The following CACNA1I variants were observed in gnomAD, a reference collection of about 807,000 sequenced individuals.
CACNA1I encodes the protein calcium voltage-gated channel subunit alpha1 I, also known as voltage-dependent T-type calcium channel subunit alpha-1I.
Under a neutral mutation model 201.6 loss-of-function variants are expected in CACNA1I, and 74 were observed. The observed-to-expected ratio is 0.37, with a 90% confidence interval of 0.30 to 0.45. CACNA1I has a LOEUF of 0.45. Among genes scored for constraint, CACNA1I ranks in the 20% least tolerant of loss-of-function variants. The pLI is 1.00. For missense variants in CACNA1I, 2,346 were observed against 3,138.1 expected (o/e 0.75, Z 6.03); for synonymous variants, 1,431 against 1,345.2 (o/e 1.06, Z -1.40).
Position 39,648,215 on chromosome 22 carries a change from C to T in CACNA1I, c.1567+289C>T, listed in dbSNP as rs930947724. Among the ~76,000 whole-genome samples, 12 of 152,066 alleles carry T rather than the reference C, an allele frequency of 7.9e-5. No individual in the cohort carries two copies. Among genetic ancestry groups the T allele is most frequent in the African/African-American group, 2.7e-4 (11 of 41,428 alleles). On this transcript the variant is annotated intron_variant, in intron 9 of 36. Coordinates refer to ENST00000402142, the MANE Select transcript of CACNA1I (RefSeq NM_021096.4). The surrounding 1 kb of genome is among the most constrained non-coding windows in gnomAD (Gnocchi z 5.4). ...CAGAAGAATGCACGCTCAGAGCTGC[C>T]GCCCACCCGTCCTCGGGTGCCAGCC...
rs2145823220 is a variant in CACNA1I, at chr22:39,596,464, C to CGGAGGGAGATGGGGGGCAGGGT, written c.237-1683_237-1682insGGAGATGGGGGGCAGGGTGGAG. Among the ~76,000 whole-genome samples the CGGAGGGAGATGGGGGGCAGGGT allele has an allele frequency of 7.0e-5, 3 of 42,670 alleles. 1 individual carries two copies. The highest frequency in any genetic ancestry group is 3.2e-4 in the African/African-American group (3 of 9,252). The allele number at this position is 42,670 out of a possible 152,430, so 28.0% of individuals were successfully genotyped here. ...GGCGGAGGGAGATCGGGGGGCAGGG[C>CGGAGGGAGATGGGGGGCAGGGT]GGAGAGAGATGGGGGAGCAGGATGG... is the stretch of plus-strand genomic sequence containing the variant. On this transcript the variant is annotated intron_variant, in intron 1 of 36. Transcript: ENST00000402142.
rs948216229 is a variant in CACNA1I at position 39,584,625 on chromosome 22, T to C, written c.237-13526T>C. Among the ~76,000 whole-genome samples, 3 of 152,036 alleles carry C rather than the reference T, an allele frequency of 2.0e-5. No homozygotes were observed. In the East Asian group the frequency reaches 5.8e-4, roughly 29 times the overall value. On this transcript the variant is annotated intron_variant, in intron 1 of 36. Transcript: ENST00000402142. Reference sequence around the variant, plus strand: ...AACCACAAAGTGGGAGGAAGACAAGTCTAGGGGCTTGTGGCATCTCCTGGA... The same window carrying C: ...AACCACAAAGTGGGAGGAAGACAAGCCTAGGGGCTTGTGGCATCTCCTGGA...
chr22:39,686,278 C>T lies in CACNA1I; in HGVS notation c.6545C>T (p.Ala2182Val), dbSNP rs1256219792. 6.1e-6 allele frequency: 8 copies of T among 1,313,946 alleles called. No individual in the cohort carries two copies. The highest frequency in any genetic ancestry group is 6.5e-5 in the Admixed American group (2 of 30,902). 81.4% of individuals were successfully genotyped at this position (1,313,946 alleles called of 1,614,324 possible). ...HGLARSPSWA[A>V]DRSKDPPGRA... The stretch of plus-strand genomic sequence containing the variant: ...CTGGCCCGGAGCCCCTCGTGGGCCG[C>T]GGACCGCAGCAAGGACCCCCCCGGC... The change falls in exon 37 of 37, where the codon GCG (alanine) becomes GTG (valine). Residue 2182 changes from alanine (A) to valine (V), a missense_variant. By Grantham distance (64) the Ala-to-Val change is moderately conservative. Coordinates refer to ENST00000402142, the MANE Select transcript of CACNA1I (RefSeq NM_021096.4).
At chr22:39,643,998 G>A (rs1934412680) in intron 7 of CACNA1I, among the ~76,000 whole-genome samples, 1 of 152,220 alleles carries the variant, frequency 6.6e-6, no homozygotes, top group Non-Finnish European at 1.5e-5. Flanking sequence ...TAGGTGCCAT[G>A]ATAGAAGGGA....
At chr22:39,673,332 C>G (rs1935428873) in intron 28 of CACNA1I, among the ~76,000 whole-genome samples, 1 of 152,180 alleles carries the variant, frequency 6.6e-6, no homozygotes, top group Admixed American at 6.5e-5. Context: ...CACATGGACA[C>G]ACACTCCCAC....
At chr22:39,672,430 A>G in intron 27 of CACNA1I, 122 bp downstream of exon 27, 1 of 717,312 alleles carries the variant, frequency 1.4e-6, no homozygotes, top group East Asian at 2.5e-5. Context: ...CTAGGCACGG[A>G]TGGACAGGCA....
intron 5 of CACNA1I, among the ~76,000 whole-genome samples, chr22:39,640,429 A>G (rs946457093): frequency 2.6e-5 from 4 of 152,192 alleles, no homozygotes; most frequent in Admixed American, 2.0e-4. Flanking sequence ...AGAGGAAGTG[A>G]TCAGCCCAGG....
intron 10 of CACNA1I, among the ~76,000 whole-genome samples, chr22:39,652,039 C>CTT (rs136833): frequency 0.4 from 58,500 of 145,372 alleles, 12,941 homozygotes; most frequent in East Asian, 0.97. Context: ...CTGGTGGAGC[C>CTT]TTTTTTTTTT....
chr22:39,660,991 C>T (rs1205516289), intron 15 of CACNA1I, 117 bp from the exon 16 acceptor site: 1 of 847,984 alleles, frequency 1.2e-6, no homozygotes, highest in African/African-American at 1.7e-5. Flanking sequence ...AGGAAGCCTC[C>T]TTAGAAAAGC....
intron 20 of CACNA1I, among the ~76,000 whole-genome samples, 157 bp downstream of exon 20, chr22:39,664,316 T>C (rs1935115586): frequency 6.6e-6 from 1 of 151,414 alleles, no homozygotes; most frequent in Non-Finnish European, 1.5e-5. Context: ...GGGGCTGGGC[T>C]CCCGCGACCC....
rs540006733 is a variant in CACNA1I at position 39,628,479 on chromosome 22, C to T, written c.581-6086C>T. Among the ~76,000 whole-genome samples, 6 of 151,968 alleles carry T rather than the reference C, an allele frequency of 3.9e-5. No individual in the cohort carries two copies. The East Asian group carries it at 5.8e-4, about 15-fold the overall frequency. On this transcript the variant is annotated intron_variant, in intron 4 of 36. Coordinates refer to ENST00000402142, the MANE Select transcript of CACNA1I (RefSeq NM_021096.4). ...TCAGTGAGACAGCCGGGCCAGCCCCCGAGGGTGTGAGCGCAGCCAGCTCTG... is the reference window on the plus strand; with the variant it reads ...TCAGTGAGACAGCCGGGCCAGCCCCTGAGGGTGTGAGCGCAGCCAGCTCTG...
At chr22:39,642,745 G>A (rs898200371) in intron 6 of CACNA1I, 52 bp from the exon 7 acceptor site, 13 of 1,319,356 alleles carry the variant, frequency 9.9e-6, no homozygotes, top group South Asian at 6.2e-5. Context: ...CCTGGGCTAC[G>A]GGCTTTCTGA....
chr22:39,670,836 G>T lies in CACNA1I; in HGVS notation c.4421G>T (p.Cys1474Phe). ...CGGCTGCCCTACTATGCCACCTATT[G>T]TCACACCCGGCTGCTCATCCACTCC... is the stretch of plus-strand genomic sequence containing the variant. ...AQRLPYYATY[C>F]HTRLLIHSMC... The change falls in exon 26 of 37, where the codon TGT becomes TTT. Residue 1474 changes from cysteine to phenylalanine, a missense_variant. Cys to Phe is a radical substitution (Grantham distance 205, BLOSUM62 -2). This residue lies in a region of CACNA1I where 228 missense variants were observed against 395.7 expected (regional missense o/e 0.58). Coordinates refer to ENST00000402142, the MANE Select transcript of CACNA1I (RefSeq NM_021096.4). 6.2e-7 allele frequency: 1 copy of T among 1,613,822 alleles called. No individual in the cohort carries two copies. The highest frequency in any genetic ancestry group is 1.1e-5 in the South Asian group (1 of 91,082).
intron 1 of CACNA1I, among the ~76,000 whole-genome samples, chr22:39,579,260 C>T (rs535357072): frequency 9.8e-5 from 15 of 152,312 alleles, no homozygotes; most frequent in East Asian, 5.8e-4. Flanking sequence ...TACAGGGCAG[C>T]GAGTGCCAAC....
In CACNA1I at chr22:39,664,816, C is replaced by T; in HGVS notation, c.3744C>T (p.Val1248=). The change falls in exon 21 of 37, where the codon GTC becomes GTT. Residue 1248 remains valine (V), a synonymous_variant. Transcript: ENST00000402142. Reference sequence around the variant, plus strand: ...GGAACGTGCTGGATGGCTTTCTTGTCTTCGTGTCCATCATCGACATCGTGG... The same window carrying T: ...GGAACGTGCTGGATGGCTTTCTTGTTTTCGTGTCCATCATCGACATCGTGG... ...SSWNVLDGFL[V]FVSIIDIVVS... 1 of 1,612,654 alleles carries T rather than the reference C, an allele frequency of 6.2e-7. No homozygotes were observed. The highest frequency in any genetic ancestry group is 8.5e-7 in the Non-Finnish European group (1 of 1,179,598).
At position 39,686,169 on chromosome 22, in the gene CACNA1I, G is replaced by A. The variant is rs1935866997; in HGVS notation, c.6436G>A (p.Gly2146Ser). 4.1e-6 allele frequency: 5 copies of A among 1,233,728 alleles called. No individual in the cohort carries two copies. Among genetic ancestry groups the A allele is most frequent in the Non-Finnish European group, 5.1e-6 (5 of 986,278 alleles). The allele number at this position is 1,233,728 out of a possible 1,614,324, so 76.4% of individuals were successfully genotyped here. A position where few individuals can be genotyped will look rare whatever the true frequency, so the allele number is the denominator to read the frequency against. ...FCPPPPPPAP[G>S]LTPARKFSST... is the part of the protein sequence containing the mutation. ...CCCGCCGCCCCCGCCGCCAGCCCCC[G>A]GCCTCACGCCCGCCAGGAAGTTCAG... Residue 2146 changes from glycine (G) to serine (S), a missense_variant, in exon 37 of 37, where the codon GGC (glycine) becomes AGC (serine). Physicochemically the swap from Gly to Ser is moderately conservative, Grantham distance 56 (BLOSUM62 0). Around this residue, in one of 13 missense-constraint regions of CACNA1I, gnomAD observed 187 missense variants for 151.0 expected, o/e 1.24. Transcript: ENST00000402142.
chr22:39,622,785 C>T lies in CACNA1I; in HGVS notation c.580+3378C>T, dbSNP rs1461067511. On this transcript the variant is annotated intron_variant, in intron 4 of 36. Transcript: ENST00000402142. ...TGTCTGGTGTGGGCACCTGGGTGGGCGGGAGGGACCTCAGCTCTCAGGGGC... is the reference window on the plus strand; with the variant it reads ...TGTCTGGTGTGGGCACCTGGGTGGGTGGGAGGGACCTCAGCTCTCAGGGGC... 3.4e-4 allele frequency among the ~76,000 whole-genome samples: 11 copies of T among 32,286 alleles called. No homozygotes were observed. In the Admixed American group the frequency reaches 3.7e-3, roughly 11 times the overall value. The allele number at this position is 32,286 out of a possible 152,430, so 21.2% of individuals were successfully genotyped here. A position where few individuals can be genotyped will look rare whatever the true frequency, so the allele number is the denominator to read the frequency against.
chr22:39,681,412 C>T (rs766278519), intron 34 of CACNA1I, among the ~76,000 whole-genome samples: 64 of 152,288 alleles, frequency 4.2e-4, no homozygotes, highest in Non-Finnish European at 8.2e-4. Flanking sequence ...CTGCTATGTG[C>T]GGGGGCGGTC....
intron 17 of CACNA1I, 29 bp from the exon 18 acceptor site, chr22:39,662,747 C>G (rs1177688104): frequency 6.7e-7 from 1 of 1,484,596 alleles, no homozygotes; most frequent in Non-Finnish European, 9.2e-7. Context: ...GCATCGCTGA[C>G]CCCCGGCGCT....
Sources: allele counts gnomAD v4.1 joint callset (sites outside exome capture counted in the v4.1 genomes callset), GRCh38; gene constraint gnomAD v4.1.1; regional missense constraint gnomAD v4.1.1; non-coding constraint Gnocchi (gnomAD v3.1); transcripts MANE v1.5; gene names NCBI Gene and HGNC (gene_info 2026-07-23, HGNC 2026-07-21).